EVL: variants seen among roughly 807,000 people sequenced by gnomAD.
EVL encodes Enah/Vasp-like.
EVL carries 21 observed loss-of-function variants against 59.6 expected under a neutral mutation model. The ratio of observed to expected loss-of-function variants is 0.35; its 90% CI spans 0.25 to 0.51. The LOEUF (loss-of-function observed/expected upper bound fraction) is 0.51, where lower values mean the gene tolerates loss of function less well. Ranked by LOEUF, EVL falls within the 20% of genes least tolerant of loss-of-function variation. EVL has a pLI of 0.97. For missense variants in EVL, 462 were observed against 546.6 expected, an observed-to-expected ratio of 0.85 and a Z score of 1.54; for synonymous variants, 198 against 203.5, an observed-to-expected ratio of 0.97 and a Z score of 0.23.
Position 100,097,534 on chromosome 14 carries a change from A to C in EVL, c.234A>C (p.Pro78=). The change falls in exon 3 of 14, where the codon CCA becomes CCC. Residue 78 remains proline (P), a synonymous_variant. Transcript: ENST00000392920. The part of the protein sequence containing the change: ...VKGLKYNQAT[P]TFHQWRDARQ... The stretch of plus-strand genomic sequence containing the variant: ...GGCTGAAGTACAATCAGGCCACGCC[A>C]ACCTTCCACCAGTGGCGAGATGCCC... 6.2e-7 allele frequency: 1 copy of C among 1,614,138 alleles called. No individual in the cohort carries two copies. The highest frequency in any genetic ancestry group is 8.5e-7 in the Non-Finnish European group (1 of 1,180,002).
chr14:100,052,019 A>G (rs2061655776), intron 1 of EVL, among the ~76,000 whole-genome samples: 1 of 152,210 alleles, frequency 6.6e-6, no homozygotes, highest in Non-Finnish European at 1.5e-5. Context: ...CCTAAAGGAG[A>G]GTCTCATAAA....
chr14:99,989,177 CAG>C (rs1264068299), intron 1 of EVL, among the ~76,000 whole-genome samples: 4 of 152,100 alleles, frequency 2.6e-5, no homozygotes, highest in African/African-American at 9.7e-5. Flanking sequence ...CCTTTATTCC[CAG>C]AGAGACACAC....
intron 1 of EVL, among the ~76,000 whole-genome samples, chr14:99,992,850 T>C (rs1027995511): frequency 5.3e-5 from 8 of 152,190 alleles, no homozygotes; most frequent in Non-Finnish European, 1.0e-4. Context: ...GCTTTTATTA[T>C]GTTGAGGTAG....
At chr14:99,982,296 C>A (rs550652318) in intron 1 of EVL, among the ~76,000 whole-genome samples, 1 of 152,116 alleles carries the variant, frequency 6.6e-6, no homozygotes, top group African/African-American at 2.4e-5. Flanking sequence ...GCTAAATATT[C>A]TTTGAAAACA....
intron 3 of EVL, among the ~76,000 whole-genome samples, chr14:100,102,862 C>T (rs1023300796): frequency 5.9e-5 from 9 of 152,160 alleles, no homozygotes; most frequent in African/African-American, 9.7e-5. Context: ...CTTTGTGAGG[C>T]TGAGGCGGGC....
intron 1 of EVL, among the ~76,000 whole-genome samples, chr14:100,035,940 T>C (rs2061382381): frequency 6.6e-6 from 1 of 151,970 alleles, no homozygotes. Context: ...TGGTGACTGG[T>C]TTAGGGGCAG....
intron 3 of EVL, 61 bp from the exon 4 acceptor site, chr14:100,123,478 T>C: frequency 1.3e-6 from 2 of 1,558,172 alleles, no homozygotes; most frequent in East Asian, 2.3e-5. Context: ...AGCACTCCAG[T>C]TGGGTTTGCT....
At position 100,108,062 on chromosome 14, in the gene EVL, T is replaced by A. The variant is rs1026470268; in HGVS notation, c.358+10404T>A. 1 of 152,242 alleles carries A rather than the reference T, an allele frequency of 6.6e-6. No individual in the cohort carries two copies. The highest frequency in any genetic ancestry group is 2.4e-5 in the African/African-American group (1 of 41,448). 9.4% of individuals were successfully genotyped at this position (152,242 alleles called of 1,614,324 possible). A position where few individuals can be genotyped will look rare whatever the true frequency, so the allele number is the denominator to read the frequency against. ...AACATCATTGGTATATTTCAAAATATGAAGCTCCTGGTGCTGGATAATAAA... is the reference window on the plus strand; with the variant it reads ...AACATCATTGGTATATTTCAAAATAAGAAGCTCCTGGTGCTGGATAATAAA... On this transcript the variant is annotated intron_variant, in intron 3 of 13. Transcript: ENST00000392920. This position sits in a 1 kb window ranked among gnomAD's most constrained non-coding sequence, Gnocchi z 4.1.
intron 1 of EVL, among the ~76,000 whole-genome samples, chr14:100,039,423 G>T (rs1477045276): frequency 1.3e-5 from 2 of 152,138 alleles, no homozygotes; most frequent in Non-Finnish European, 1.5e-5. Context: ...TTTTGGTAGA[G>T]ACAGGGTTTT....
rs540962369 is a variant in EVL at position 100,035,990 on chromosome 14, C to T, written c.6-48697C>T. On this transcript the variant is annotated intron_variant, in intron 1 of 13. Transcript: ENST00000402714. ...AATTCTCTATGGCAGGGGTCCCCAA[C>T]CCCTCAGGCTGAGGACCAGTACCAG... Among the ~76,000 whole-genome samples the T allele has an allele frequency of 1.2e-4, 18 of 152,290 alleles. No individual in the cohort carries two copies. In the South Asian group the frequency reaches 3.7e-3, roughly 32 times the overall value.
Position 100,128,565 on chromosome 14 carries a change from C to T in EVL, c.534C>T (p.Pro178=), listed in dbSNP as rs766671985. 2.5e-5 allele frequency: 41 copies of T among 1,610,380 alleles called. No individual in the cohort carries two copies. The South Asian group carries it at 3.7e-4, about 15-fold the overall frequency. The part of the protein sequence containing the change: ...PGHPSSAASA[P]VSCSGPPPPP... The stretch of plus-strand genomic sequence containing the variant: ...ATCCTTCATCTGCAGCCAGCGCCCC[C>T]GTCTCATGTAGTGGGCCTCCACCGC... Residue 178 remains proline, a synonymous_variant, in exon 6 of 14, where the codon CCC becomes CCT. Transcript: ENST00000392920.
intron 1 of EVL, among the ~76,000 whole-genome samples, chr14:99,992,236 T>C (rs1019993210): frequency 6.6e-6 from 1 of 152,174 alleles, no homozygotes; most frequent in Non-Finnish European, 1.5e-5. Context: ...TGCTTCTTGG[T>C]TGTGTGTATA....
chr14:100,084,984 C>G (rs1184565768), intron 2 of EVL, 129 bp downstream of exon 2: 12 of 1,004,568 alleles, frequency 1.2e-5, no homozygotes, highest in Admixed American at 5.4e-5. Flanking sequence ...AGGACCTGGG[C>G]TCAGATTTTG....
upstream of EVL, among the ~76,000 whole-genome samples, chr14:100,064,216 A>G (rs1284578423): frequency 5.0e-5 from 3 of 60,342 alleles, no homozygotes; most frequent in African/African-American, 7.8e-5. Flanking sequence ...GTTTTTCACT[A>G]TATCAATAAT....
At chr14:100,065,184 C>T (rs2061905032), upstream of EVL, 1 of 179,720 alleles carries the variant, frequency 5.6e-6, no homozygotes. Context: ...CCCTTGCACC[C>T]TTGCAGGAAG....
chr14:99,997,938 G>A (rs2060924131), intron 1 of EVL, among the ~76,000 whole-genome samples: 1 of 152,142 alleles, frequency 6.6e-6, no homozygotes, highest in East Asian at 1.9e-4. Context: ...TGGATTCATA[G>A]TCTCCCATCT....
chr14:100,141,831 G>A (rs1456037508), intron 13 of EVL, 38 bp downstream of exon 13: 5 of 1,601,964 alleles, frequency 3.1e-6, no homozygotes, highest in Non-Finnish European at 4.3e-6. Flanking sequence ...GCACCCAGGT[G>A]TGGCCGCAGG....
chr14:100,088,550 A>G (rs1261033370), intron 2 of EVL, among the ~76,000 whole-genome samples: 1 of 152,226 alleles, frequency 6.6e-6, no homozygotes, highest in Non-Finnish European at 1.5e-5. Context: ...TACTGTACCG[A>G]ATACTGCAGG....
chr14:100,105,544 A>G (rs80343676), intron 3 of EVL, among the ~76,000 whole-genome samples: 9,085 of 151,326 alleles, frequency 0.06, 482 homozygotes, highest in African/African-American at 0.14. Context: ...GTAAGCTGTC[A>G]TCTGCTTGGT....
Sources: gnomAD v4.1 joint callset for allele counts (sites outside exome capture counted in the v4.1 genomes callset) on GRCh38, gnomAD v4.1.1 for gene constraint, Gnocchi (gnomAD v3.1) non-coding constraint, MANE v1.5 for transcripts, NCBI Gene and HGNC (gene_info 2026-07-23, HGNC 2026-07-21) for gene names.